TNPO3: variants seen among roughly 807,000 people sequenced by gnomAD.
TNPO3 encodes the protein transportin-3.
In TNPO3, 65 loss-of-function variants were observed where a neutral mutation model predicts 122.8. The observed-to-expected ratio is 0.53, with a 90% CI of 0.43 to 0.65. The LOEUF is 0.65. Among genes scored for constraint, TNPO3 ranks in the 30% least tolerant of loss-of-function variants. The probability of loss-of-function intolerance (pLI) is 0.00; values close to 1 mark genes in which losing one functional copy is unlikely to be tolerated. For missense variants in TNPO3, 850 were observed against 1,136.7 expected (o/e 0.75, Z 3.63); for synonymous variants, 372 against 411.2 (o/e 0.90, Z 1.15).
intron 1 of TNPO3, among the ~76,000 whole-genome samples, chr7:129,041,956 C>T (rs1403867468): frequency 6.6e-6 from 1 of 152,138 alleles, no homozygotes; most frequent in African/African-American, 2.4e-5. Flanking sequence ...TGCACTGTTG[C>T]TCCAAGACTC....
At chr7:128,961,857 CTTCCCATGT>C (rs957310709) in intron 21 of TNPO3, among the ~76,000 whole-genome samples, 6 of 152,276 alleles carry the variant, frequency 3.9e-5, no homozygotes, top group Non-Finnish European at 4.4e-5. Context: ...AGTATCAATG[CTTCCCATGT>C]TCAACACCTT....
intron 5 of TNPO3, among the ~76,000 whole-genome samples, chr7:129,002,759 A>T (rs1802087001): frequency 6.6e-6 from 1 of 152,164 alleles, no homozygotes. Flanking sequence ...TCTACTAAAA[A>T]TACAAAAAAT....
At chr7:129,036,123 T>A (rs1806641367) in intron 1 of TNPO3, among the ~76,000 whole-genome samples, 1 of 151,974 alleles carries the variant, frequency 6.6e-6, no homozygotes, top group African/African-American at 2.4e-5. Context: ...CCGGCTAATT[T>A]TTGTATTTTT....
At chr7:128,987,522 C>CT (rs1460973300) in intron 11 of TNPO3, among the ~76,000 whole-genome samples, 5 of 152,150 alleles carry the variant, frequency 3.3e-5, no homozygotes, top group African/African-American at 1.2e-4. Context: ...TTCTACTCAT[C>CT]TTTTTATCTT....
At chr7:129,021,292 T>C (rs1346367342) in intron 1 of TNPO3, among the ~76,000 whole-genome samples, 5 of 151,430 alleles carry the variant, frequency 3.3e-5, no homozygotes, top group Admixed American at 1.3e-4. Flanking sequence ...GAGACGGTGG[T>C]TGCAGTGAGC....
At chr7:128,971,194 G>A (rs960160471) in intron 19 of TNPO3, among the ~76,000 whole-genome samples, 1 of 150,362 alleles carries the variant, frequency 6.7e-6, no homozygotes, top group African/African-American at 2.4e-5. Context: ...CACCCAGGCT[G>A]GAGTGCAGTG....
At chr7:128,999,894 T>C (rs1801743994) in intron 7 of TNPO3, among the ~76,000 whole-genome samples, 1 of 152,188 alleles carries the variant, frequency 6.6e-6, no homozygotes, top group South Asian at 2.1e-4. Flanking sequence ...ATTACAGGTG[T>C]GAGCCACCAA....
intron 18 of TNPO3, among the ~76,000 whole-genome samples, chr7:128,973,713 G>A (rs1329750546): frequency 9.4e-6 from 1 of 106,724 alleles, no homozygotes; most frequent in African/African-American, 3.6e-5. Flanking sequence ...TCCAGCCTGG[G>A]CGACAGAGCG....
chr7:129,010,591 T>C (rs1160426020), intron 4 of TNPO3, among the ~76,000 whole-genome samples: 1 of 152,098 alleles, frequency 6.6e-6, no homozygotes, highest in African/African-American at 2.4e-5. Context: ...CTACATTATA[T>C]TACAAAGGAG....
intron 1 of TNPO3, among the ~76,000 whole-genome samples, chr7:129,050,179 C>G (rs769730640): frequency 2.6e-5 from 4 of 151,656 alleles, no homozygotes; most frequent in Non-Finnish European, 5.9e-5. Flanking sequence ...GTCAGGAGAC[C>G]GAGACCATCC....
At chr7:128,979,842 T>C (rs761330586) in intron 15 of TNPO3, 129 bp downstream of exon 15, 34 of 827,490 alleles carry the variant, frequency 4.1e-5, no homozygotes, top group Non-Finnish European at 6.3e-5. Flanking sequence ...CTCATTTCAT[T>C]GAAACCACAT....
chr7:129,034,763 TG>T (rs961383333), intron 1 of TNPO3, among the ~76,000 whole-genome samples: 3 of 147,314 alleles, frequency 2.0e-5, no homozygotes, highest in African/African-American at 7.5e-5. Context: ...GGCATGGTGG[TG>T]GGCGCCTGTA....
chr7:128,975,004 A>C, intron 17 of TNPO3, 42 bp from the exon 18 acceptor site: 1 of 1,515,008 alleles, frequency 6.6e-7, no homozygotes, highest in Non-Finnish European at 9.2e-7. Flanking sequence ...CTTTTTCAGA[A>C]ATGCCACAGC....
At chr7:128,962,296 T>G (rs1025294823) in intron 21 of TNPO3, among the ~76,000 whole-genome samples, 1 of 141,642 alleles carries the variant, frequency 7.1e-6, no homozygotes, top group African/African-American at 2.7e-5. Context: ...ACCCGGGAAG[T>G]GGAGCTTGCA....
chr7:129,027,186 T>C (rs1805291259), intron 1 of TNPO3, among the ~76,000 whole-genome samples: 2 of 152,110 alleles, frequency 1.3e-5, no homozygotes, highest in Admixed American at 6.5e-5. Flanking sequence ...TAAAGCTATC[T>C]CTCTCATGAC....
chr7:128,978,466 A>G (rs1027130461), intron 16 of TNPO3, among the ~76,000 whole-genome samples: 1 of 152,222 alleles, frequency 6.6e-6, no homozygotes, highest in African/African-American at 2.4e-5. Flanking sequence ...TTCGCTTCAC[A>G]GAATTTCACA....
chr7:128,967,461 C>T, intron 20 of TNPO3, 69 bp from the exon 21 acceptor site: 4 of 996,336 alleles, frequency 4.0e-6, no homozygotes, highest in Admixed American at 4.0e-5. Flanking sequence ...CCTACAGATA[C>T]TAACAAAACC....
chr7:128,975,583 T>C (rs767275798), intron 17 of TNPO3, among the ~76,000 whole-genome samples: 5 of 152,128 alleles, frequency 3.3e-5, no homozygotes, highest in South Asian at 2.1e-4. Flanking sequence ...TGGAAGAGCA[T>C]AAACCAGGCA....
At chr7:129,019,306 T>C (rs555174133) in intron 1 of TNPO3, among the ~76,000 whole-genome samples, 8 of 152,274 alleles carry the variant, frequency 5.3e-5, no homozygotes, top group Non-Finnish European at 7.4e-5. Context: ...CTGGCAATAA[T>C]GGACTGAAAA....
Sources: gnomAD v4.1 joint callset for allele counts (sites outside exome capture counted in the v4.1 genomes callset) on GRCh38, gnomAD v4.1.1 for gene constraint, MANE v1.5 for transcripts, NCBI Gene and HGNC (gene_info 2026-07-23, HGNC 2026-07-21) for gene names.